FHIT: variants seen among roughly 807,000 people sequenced by gnomAD.
FHIT encodes fragile histidine triad diadenosine triphosphatase, also known as bis(5'-adenosyl)-triphosphatase.
In FHIT, 19 loss-of-function variants were observed where a neutral mutation model predicts 17.9. The observed-to-expected ratio is 1.06, with a 90% CI of 0.74 to 1.56. FHIT has a LOEUF of 1.56. Ranked by LOEUF, FHIT falls within the 40% of genes most tolerant of loss-of-function variation. The probability of loss-of-function intolerance (pLI) is 0.00; values close to 1 mark genes in which losing one functional copy is unlikely to be tolerated. For missense variants in FHIT, 248 were observed against 189.2 expected (o/e 1.31, Z -1.82); for synonymous variants, 81 against 69.7 (o/e 1.16, Z -0.81).
chr3:59,750,927 T>C (rs1559568655), intron 9 of FHIT: 1 of 192,048 alleles, frequency 5.2e-6, no homozygotes, highest in Non-Finnish European at 1.1e-5. Flanking sequence ...TAATTTTGTT[T>C]TTTATTTGTG....
intron 8 of FHIT, among the ~76,000 whole-genome samples, chr3:59,811,478 A>G (rs1027419292): frequency 6.6e-6 from 1 of 152,182 alleles, no homozygotes; most frequent in African/African-American, 2.4e-5. Context: ...AAAAAATGTG[A>G]TTTGTTTTCA....
intron 5 of FHIT, among the ~76,000 whole-genome samples, chr3:60,516,654 T>G (rs1439141121): frequency 2.0e-5 from 3 of 152,346 alleles, no homozygotes; most frequent in African/African-American, 7.2e-5. Context: ...CCTGATAGGT[T>G]TGCTCATGAG....
chr3:60,760,378 G>A (rs1301357365), intron 4 of FHIT, among the ~76,000 whole-genome samples: 1 of 152,210 alleles, frequency 6.6e-6, no homozygotes, highest in Non-Finnish European at 1.5e-5. Context: ...AAAACAGGAA[G>A]TAAGGGCATA....
At chr3:60,521,782 A>G (rs1015929068) in intron 5 of FHIT, among the ~76,000 whole-genome samples, 2 of 152,218 alleles carry the variant, frequency 1.3e-5, no homozygotes, top group African/African-American at 4.8e-5. Context: ...TCCAAAGCTC[A>G]TTTGCAGTTT....
At chr3:60,249,687 A>AACAC (rs746440602) in intron 5 of FHIT, among the ~76,000 whole-genome samples, 5 of 61,712 alleles carry the variant, frequency 8.1e-5, no homozygotes, top group African/African-American at 4.2e-4. Context: ...AAATACAGCC[A>AACAC]AGACACACAC....
At chr3:61,037,161 T>C (rs1302037647) in intron 3 of FHIT, among the ~76,000 whole-genome samples, 2 of 152,164 alleles carry the variant, frequency 1.3e-5, no homozygotes, top group African/African-American at 2.4e-5. Context: ...TCCATCCGTC[T>C]CGGTCTCCCA....
intron 8 of FHIT, among the ~76,000 whole-genome samples, chr3:59,757,220 G>A (rs1701264773): frequency 6.6e-6 from 1 of 152,186 alleles, no homozygotes. Flanking sequence ...GACAACGTTT[G>A]CAAAAACTTG....
chr3:60,303,031 A>G (rs896269874), intron 5 of FHIT, among the ~76,000 whole-genome samples: 36 of 152,154 alleles, frequency 2.4e-4, no homozygotes, highest in African/African-American at 8.4e-4. Context: ...TTGCATGGGA[A>G]TAAAGCTAGG....
intron 7 of FHIT, among the ~76,000 whole-genome samples, chr3:59,988,563 T>G (rs1012210166): frequency 6.6e-6 from 1 of 152,098 alleles, no homozygotes; most frequent in African/African-American, 2.4e-5. Context: ...TCTGAGTTCT[T>G]TCTGTGTATC....
intron 5 of FHIT, among the ~76,000 whole-genome samples, chr3:60,220,974 A>T (rs1391107912): frequency 6.6e-6 from 1 of 152,294 alleles, no homozygotes; most frequent in East Asian, 1.9e-4. Context: ...AGCATGTGTC[A>T]TTATGGCTCC....
chr3:60,303,560 A>T (rs1404493446), intron 5 of FHIT, among the ~76,000 whole-genome samples: 4 of 152,190 alleles, frequency 2.6e-5, no homozygotes, highest in African/African-American at 9.6e-5. Context: ...ACAGGGCCAC[A>T]TGACCAGTTC....
chr3:60,239,136 A>G (rs1055747183), intron 5 of FHIT, among the ~76,000 whole-genome samples: 2 of 152,146 alleles, frequency 1.3e-5, no homozygotes, highest in Admixed American at 1.3e-4. Flanking sequence ...CTACTTCCAG[A>G]GTTTTTGCCC....
intron 8 of FHIT, among the ~76,000 whole-genome samples, chr3:59,913,276 G>T (rs1240386159): frequency 6.6e-6 from 1 of 152,076 alleles, no homozygotes; most frequent in African/African-American, 2.4e-5. Context: ...TTTAGTACTG[G>T]AAGTCCCAGT....
At chr3:61,142,492 C>T (rs1450538508) in intron 2 of FHIT, among the ~76,000 whole-genome samples, 1 of 144,322 alleles carries the variant, frequency 6.9e-6, no homozygotes, top group Non-Finnish European at 1.6e-5. Flanking sequence ...AGACTGCTAA[C>T]CTGCTGTGAT....
In FHIT at chr3:59,847,546, A is replaced by G. The variant is rs1701766874; in HGVS notation, c.348+74800T>C. Among the ~76,000 whole-genome samples the G allele has an allele frequency of 2.0e-5, 3 of 152,132 alleles. No individual in the cohort carries two copies. The South Asian group carries it at 6.2e-4, about 31-fold the overall frequency. On this transcript the variant is annotated intron_variant, in intron 8 of 9. Transcript: ENST00000492590. ...CATCTCTATGATAGGTAGTTTAAGTATCTGGCTAATGGATCCATCATTAGG... is the reference window on the plus strand; with the variant it reads ...CATCTCTATGATAGGTAGTTTAAGTGTCTGGCTAATGGATCCATCATTAGG...
intron 3 of FHIT, among the ~76,000 whole-genome samples, chr3:60,893,565 T>C (rs1705626615): frequency 6.6e-6 from 1 of 152,188 alleles, no homozygotes; most frequent in African/African-American, 2.4e-5. Context: ...AGCCATACTC[T>C]TTCCTGATAG....
intron 4 of FHIT, among the ~76,000 whole-genome samples, chr3:60,591,958 G>A (rs2038099872): frequency 6.6e-6 from 1 of 151,688 alleles, no homozygotes; most frequent in South Asian, 2.1e-4. Context: ...TGGGTTACAT[G>A]GTCTATGTGC....
chr3:60,617,653 A>G (rs1460310652), intron 4 of FHIT: 2 of 153,474 alleles, frequency 1.3e-5, no homozygotes, highest in African/African-American at 4.8e-5. Flanking sequence ...CTATGCCAAA[A>G]CAAACTACAC....
chr3:60,161,815 C>T (rs1294772961), intron 5 of FHIT, among the ~76,000 whole-genome samples: 1 of 152,078 alleles, frequency 6.6e-6, no homozygotes. Context: ...AGAGGGGCAC[C>T]TGGGAAAATC....
Sources: allele counts gnomAD v4.1 joint callset (sites outside exome capture counted in the v4.1 genomes callset), GRCh38; gene constraint gnomAD v4.1.1; transcripts MANE v1.5; gene names NCBI Gene and HGNC (gene_info 2026-07-23, HGNC 2026-07-21).